Variants in IMMP2L observed in about 807,000 individuals in gnomAD.
IMMP2L encodes mitochondrial inner membrane protease subunit 2.
In IMMP2L, 18 loss-of-function variants were observed where a neutral mutation model predicts 19.3. That is an observed-to-expected ratio of 0.93 (90% CI 0.64 to 1.38). The LOEUF (loss-of-function observed/expected upper bound fraction) is 1.38. IMMP2L is among the 40% of genes most tolerant of loss of function. The pLI, the probability that IMMP2L is intolerant of heterozygous loss-of-function variation, is 0.00. For missense variants in IMMP2L, 233 were observed against 218.2 expected, an observed-to-expected ratio of 1.07 and a Z score of -0.43; for synonymous variants, 76 against 73.0, an observed-to-expected ratio of 1.04 and a Z score of -0.21.
At chr7:110,761,442 T>A (rs1798344940) in intron 5 of IMMP2L, among the ~76,000 whole-genome samples, 1 of 152,126 alleles carries the variant, frequency 6.6e-6, no homozygotes, top group South Asian at 2.1e-4. Flanking sequence ...AGGCTGGTTA[T>A]AAGAAATCAA....
intron 5 of IMMP2L, among the ~76,000 whole-genome samples, chr7:110,669,087 GTGTATA>G (rs1791697462): frequency 8.1e-6 from 1 of 124,200 alleles, no homozygotes; most frequent in South Asian, 2.6e-4. Context: ...GTGTGTGTGT[GTGTATA>G]TGTATATATA....
intron 5 of IMMP2L, among the ~76,000 whole-genome samples, chr7:110,823,133 T>C (rs1445827332): frequency 6.6e-6 from 1 of 152,150 alleles, no homozygotes; most frequent in Non-Finnish European, 1.5e-5. Flanking sequence ...TATTGACTTT[T>C]TTGTATCCTA....
chr7:111,047,962 G>A (rs1018523718), intron 3 of IMMP2L, among the ~76,000 whole-genome samples: 11 of 151,816 alleles, frequency 7.2e-5, no homozygotes, highest in East Asian at 3.9e-4. Flanking sequence ...GCTTCCTGCC[G>A]GGTGTGGTGG....
intron 3 of IMMP2L, among the ~76,000 whole-genome samples, chr7:111,132,321 T>C (rs1048749188): frequency 6.6e-6 from 1 of 152,030 alleles, no homozygotes. Flanking sequence ...TATAAAGCTC[T>C]TCTCTTTCTC....
intron 4 of IMMP2L, among the ~76,000 whole-genome samples, chr7:110,899,775 G>A (rs945622143): frequency 2.6e-5 from 4 of 152,164 alleles, no homozygotes; most frequent in Non-Finnish European, 5.9e-5. Context: ...AGGAGTTATG[G>A]ATCAGAGCAC....
chr7:110,777,099 G>C (rs1229757629), intron 5 of IMMP2L, among the ~76,000 whole-genome samples: 1 of 151,944 alleles, frequency 6.6e-6, no homozygotes, highest in East Asian at 1.9e-4. Flanking sequence ...TAAGAAATTA[G>C]TATCACTAGA....
At chr7:110,670,120 A>G (rs552582126) in intron 5 of IMMP2L, among the ~76,000 whole-genome samples, 1 of 152,324 alleles carries the variant, frequency 6.6e-6, no homozygotes, top group Non-Finnish European at 1.5e-5. Context: ...CCTGAAGGCA[A>G]CCGGATTAGT....
At chr7:111,045,179 T>G (rs1792277204) in intron 3 of IMMP2L, among the ~76,000 whole-genome samples, 1 of 152,348 alleles carries the variant, frequency 6.6e-6, no homozygotes, top group Middle Eastern at 3.4e-3. Context: ...AGAACAACTA[T>G]TTGGCTTGCT....
chr7:111,271,969 A>T, intron 3 of IMMP2L, among the ~76,000 whole-genome samples: 1 of 152,154 alleles, frequency 6.6e-6, no homozygotes, highest in East Asian at 1.9e-4. Context: ...GAGTCATCTC[A>T]TGCTTGGACC....
At chr7:111,555,641 T>C (rs1215184809) in intron 1 of IMMP2L, among the ~76,000 whole-genome samples, 1 of 152,080 alleles carries the variant, frequency 6.6e-6, no homozygotes, top group Non-Finnish European at 1.5e-5. Flanking sequence ...TGTGAGATAA[T>C]ACAATATTTT....
chr7:111,385,407 G>A (rs909556667), intron 3 of IMMP2L, among the ~76,000 whole-genome samples: 4 of 152,040 alleles, frequency 2.6e-5, no homozygotes, highest in African/African-American at 7.2e-5. Context: ...TACATTTTGG[G>A]CACATTAGAA....
intron 5 of IMMP2L, among the ~76,000 whole-genome samples, chr7:110,705,118 T>C (rs1051375327): frequency 6.6e-6 from 1 of 151,054 alleles, no homozygotes; most frequent in Non-Finnish European, 1.5e-5. Context: ...CATAAGAGAT[T>C]AGTGATGGAG....
At chr7:111,499,202 T>C (rs547559527) in intron 2 of IMMP2L, among the ~76,000 whole-genome samples, 22 of 152,240 alleles carry the variant, frequency 1.4e-4, no homozygotes, top group Non-Finnish European at 2.9e-4. Flanking sequence ...TATTTGCTGA[T>C]ATTCCACCAG....
At chr7:110,879,954 T>G (rs1313087441) in intron 5 of IMMP2L, among the ~76,000 whole-genome samples, 1 of 152,140 alleles carries the variant, frequency 6.6e-6, no homozygotes, top group Non-Finnish European at 1.5e-5. Context: ...CAGGATTCTT[T>G]TCAGAAAAAT....
At chr7:111,272,445 T>C (rs1818568061) in intron 3 of IMMP2L, among the ~76,000 whole-genome samples, 2 of 152,176 alleles carry the variant, frequency 1.3e-5, no homozygotes, top group Admixed American at 1.3e-4. Context: ...TACTTTAGTA[T>C]GATTAAACAC....
intron 5 of IMMP2L, among the ~76,000 whole-genome samples, chr7:110,839,593 T>C (rs186086579): frequency 6.6e-6 from 1 of 152,162 alleles, no homozygotes; most frequent in Non-Finnish European, 1.5e-5. Context: ...TGCAATGAAG[T>C]TTATTTAAGC....
chr7:111,227,724 T>C (rs1813257705), intron 3 of IMMP2L, among the ~76,000 whole-genome samples: 1 of 152,160 alleles, frequency 6.6e-6, no homozygotes. Flanking sequence ...CTCAGAATGT[T>C]TGTCAAAAGT....
intron 2 of IMMP2L, among the ~76,000 whole-genome samples, chr7:111,488,757 T>C (rs950194615): frequency 2.0e-5 from 3 of 152,184 alleles, no homozygotes; most frequent in African/African-American, 4.8e-5. Flanking sequence ...TGATCGACTT[T>C]AGTTATTTAA....
intron 5 of IMMP2L, among the ~76,000 whole-genome samples, chr7:110,747,394 A>G (rs1258675126): frequency 1.3e-5 from 2 of 152,122 alleles, no homozygotes; most frequent in Non-Finnish European, 2.9e-5. Flanking sequence ...TTCCTAACTC[A>G]TTTATGAGGC....
Sources: gnomAD v4.1 joint callset for allele counts (sites outside exome capture counted in the v4.1 genomes callset) on GRCh38, gnomAD v4.1.1 for gene constraint, MANE v1.5 for transcripts, NCBI Gene and HGNC (gene_info 2026-07-23, HGNC 2026-07-21) for gene names.